NTNG1: variants seen among roughly 807,000 people sequenced by gnomAD.
The protein encoded by NTNG1 is netrin G1.
A neutral mutation model predicts 54.0 loss-of-function variants in NTNG1; 16 were observed. The observed-to-expected ratio is 0.30, with a 90% CI of 0.20 to 0.45. NTNG1 has a LOEUF of 0.45. NTNG1 is among the 20% of genes least tolerant of loss of function. NTNG1 has a pLI of 1.00. For synonymous variants in NTNG1, 255 were observed against 263.1 expected (o/e 0.97, Z 0.30); for missense variants, 530 against 678.7 (o/e 0.78, Z 2.43).
intron 2 of NTNG1, among the ~76,000 whole-genome samples, chr1:107,318,733 T>C (rs778351933): frequency 4.6e-5 from 7 of 151,688 alleles, no homozygotes; most frequent in Admixed American, 2.6e-4. Context: ...CAATGGGGGG[T>C]CTTGGAACAT....
chr1:107,197,590 A>G (rs1658436901), intron 2 of NTNG1, among the ~76,000 whole-genome samples: 1 of 151,972 alleles, frequency 6.6e-6, no homozygotes, highest in Non-Finnish European at 1.5e-5. Context: ...CAGAGAGTTC[A>G]ACAGATTTGT....
At position 107,295,263 on chromosome 1, in the gene NTNG1, T is replaced by C. The variant is rs563867818; in HGVS notation, c.247-29019T>C. Among the ~76,000 whole-genome samples the C allele has an allele frequency of 2.9e-3, 437 of 152,312 alleles. 2 individuals are homozygous for C. Among genetic ancestry groups the C allele is most frequent in the Non-Finnish European group, 4.7e-3 (322 of 68,002 alleles). ...TTCTTGTGGTTCCCTTTAGATGTGA[T>C]TGTTTTAAGCGTCATTACCTATACC... On this transcript the variant is annotated intron_variant, in intron 2 of 7. Coordinates refer to ENST00000370068, the MANE Select transcript of NTNG1 (RefSeq NM_001113226.3).
chr1:107,291,453 C>T (rs1321613953), intron 2 of NTNG1, among the ~76,000 whole-genome samples: 2 of 152,012 alleles, frequency 1.3e-5, no homozygotes, highest in Admixed American at 6.6e-5. Flanking sequence ...ACCCATGTGT[C>T]GTTCAAGGAT....
chr1:107,378,808 G>A (rs746045317), intron 3 of NTNG1, among the ~76,000 whole-genome samples: 24 of 152,096 alleles, frequency 1.6e-4, no homozygotes, highest in South Asian at 8.3e-4. Flanking sequence ...GGGTTGTGGG[G>A]CCAGTCTGCC....
rs17019037 is a variant in NTNG1, at chr1:107,432,594, G to T, written c.1255+1677G>T. 5.7e-3 allele frequency among the ~76,000 whole-genome samples: 873 copies of T among 152,178 alleles called. 13 individuals are homozygous for T. The highest frequency in any genetic ancestry group is 0.02 in the African/African-American group (834 of 41,514). ...GACATGTAGTTGTCTGAATTTTGAA[G>T]GCAGAGTACATTTTACTGAATGTCA... On this transcript the variant is annotated intron_variant, in intron 6 of 7. Transcript: ENST00000370068.
chr1:107,372,990 T>A (rs1671016595), intron 3 of NTNG1, among the ~76,000 whole-genome samples: 2 of 152,220 alleles, frequency 1.3e-5, no homozygotes, highest in Non-Finnish European at 2.9e-5. Flanking sequence ...GATCTATTTT[T>A]CTGCACCCTT....
At chr1:107,327,366 A>G (rs1163640096) in intron 3 of NTNG1, among the ~76,000 whole-genome samples, 1 of 152,132 alleles carries the variant, frequency 6.6e-6, no homozygotes, top group Non-Finnish European at 1.5e-5. Context: ...GTGAAAGGAA[A>G]TGTTGAGCTA....
In NTNG1 at chr1:107,264,220, G is replaced by A. The variant is rs140797372; in HGVS notation, c.247-60062G>A. ...CACACCCCCTCCCCTCACCACCACC[G>A]TTTTTCCACCCTGGTGCACATTTTT... On this transcript the variant is annotated intron_variant, in intron 2 of 7. Transcript: ENST00000370068. Among the ~76,000 whole-genome samples the A allele has an allele frequency of 1.4e-3, 212 of 151,982 alleles. 2 individuals carry two copies. The highest frequency in any genetic ancestry group is 0.013 in the Admixed American group (202 of 15,256).
At chr1:107,140,666 C>A (rs557759840), upstream of NTNG1, among the ~76,000 whole-genome samples, 40 of 150,100 alleles carry the variant, frequency 2.7e-4, no homozygotes, top group Admixed American at 8.6e-4. Context: ...ACGTCTTCAT[C>A]TGAAATAAAA....
At chr1:107,182,002 G>T (rs958292814) in intron 2 of NTNG1, among the ~76,000 whole-genome samples, 5 of 151,854 alleles carry the variant, frequency 3.3e-5, no homozygotes, top group African/African-American at 9.7e-5. Context: ...GGGGAATTAG[G>T]GTTGATTCCT....
chr1:107,153,020 C>G (rs560327631), intron 2 of NTNG1, among the ~76,000 whole-genome samples: 1 of 152,182 alleles, frequency 6.6e-6, no homozygotes, highest in Non-Finnish European at 1.5e-5. Flanking sequence ...CTTAACAGAT[C>G]TATTAATGAT....
chr1:107,331,418 A>AT (rs1176534627), intron 3 of NTNG1, among the ~76,000 whole-genome samples: 1 of 152,008 alleles, frequency 6.6e-6, no homozygotes, highest in Non-Finnish European at 1.5e-5. Flanking sequence ...TTCTTACTTC[A>AT]TTTTTATCAA....
chr1:107,220,070 G>GT (rs1660237510), intron 2 of NTNG1, among the ~76,000 whole-genome samples: 1 of 152,168 alleles, frequency 6.6e-6, no homozygotes, highest in Admixed American at 6.5e-5. Flanking sequence ...TGCCCAAGGA[G>GT]TGTGGTTTCC....
intron 5 of NTNG1, among the ~76,000 whole-genome samples, chr1:107,423,987 C>G (rs1674726350): frequency 1.3e-5 from 2 of 152,038 alleles, no homozygotes; most frequent in African/African-American, 4.8e-5. Flanking sequence ...GTATGCCAGG[C>G]AATATCTTAA....
rs183687281 is a variant in NTNG1 at position 107,328,779 on chromosome 1, G to T, written c.887+3857G>T. On this transcript the variant is annotated intron_variant, in intron 3 of 7. Coordinates refer to ENST00000370068, the MANE Select transcript of NTNG1 (RefSeq NM_001113226.3). The stretch of plus-strand genomic sequence containing the variant: ...TTTCTTTGAGGTAAACAATTTCAAA[G>T]AAATAATGTGATTTAATGTAATAAT... The T allele has an allele frequency of 3.9e-4, 60 of 152,106 alleles. No homozygotes were observed. The East Asian group carries it at 0.011, about 27-fold the overall frequency. The allele number at this position is 152,106 out of a possible 1,614,324, so 9.4% of individuals were successfully genotyped here. A position where few individuals can be genotyped will look rare whatever the true frequency, so the allele number is the denominator to read the frequency against.
At chr1:107,242,280 C>T (rs1661887826) in intron 2 of NTNG1, among the ~76,000 whole-genome samples, 1 of 152,154 alleles carries the variant, frequency 6.6e-6, no homozygotes, top group African/African-American at 2.4e-5. Flanking sequence ...TACACTACTA[C>T]ACTCCAGCTT....
chr1:107,148,911 A>G, intron 2 of NTNG1, 72 bp downstream of exon 2: 1 of 1,443,380 alleles, frequency 6.9e-7, no homozygotes, highest in Non-Finnish European at 9.5e-7. Flanking sequence ...AGATGTGGTG[A>G]GTGTGAAGAC....
intron 2 of NTNG1, among the ~76,000 whole-genome samples, chr1:107,228,940 A>T (rs1006046429): frequency 6.6e-6 from 1 of 152,148 alleles, no homozygotes; most frequent in Admixed American, 6.6e-5. Context: ...TGAACTAATC[A>T]TGGTTAATGT....
intron 2 of NTNG1, among the ~76,000 whole-genome samples, chr1:107,155,416 ATC>A (rs746410118): frequency 2.6e-5 from 4 of 151,192 alleles, no homozygotes; most frequent in Non-Finnish European, 3.0e-5. Flanking sequence ...CTCATGTTAA[ATC>A]TCTCTCTCTC....
Sources: allele counts gnomAD v4.1 joint callset (sites outside exome capture counted in the v4.1 genomes callset), GRCh38; gene constraint gnomAD v4.1.1; transcripts MANE v1.5; gene names NCBI Gene and HGNC (gene_info 2026-07-23, HGNC 2026-07-21).